The following PGBD4 variants were observed in gnomAD, a reference collection of about 807,000 sequenced individuals.
PGBD4 encodes the protein piggyBac transposable element-derived protein 4.
Under a neutral mutation model 0.3 loss-of-function variants are expected in PGBD4, and 1 was observed. The ratio of observed to expected loss-of-function variants is 3.72; its 90% CI spans 1.32 to 17.64. The LOEUF (loss-of-function observed/expected upper bound fraction) is 17.64. Ranked by LOEUF, PGBD4 falls within the 30% of genes most tolerant of loss-of-function variation. PGBD4 has a pLI of 0.11. For synonymous variants in PGBD4, 253 were observed against 267.7 expected, an observed-to-expected ratio of 0.95 and a Z score of 0.54; for missense variants, 624 against 719.7, an observed-to-expected ratio of 0.87 and a Z score of 1.52.
rs940015108 is a variant in PGBD4, at chr15:34,107,346, G to A, written c.*3057G>A. 21 of 151,982 alleles carry A rather than the reference G, an allele frequency of 1.4e-4. No homozygotes were observed. The highest frequency in any genetic ancestry group is 2.9e-4 in the Non-Finnish European group (20 of 68,018). The allele number at this position is 151,982 out of a possible 1,614,324, so 9.4% of individuals were successfully genotyped here. A position where few individuals can be genotyped will look rare whatever the true frequency, so the allele number is the denominator to read the frequency against. On this transcript the variant is annotated 3_prime_UTR_variant, in exon 1 of 1. Transcript: ENST00000397766. Reference sequence around the variant, plus strand: ...CTTATGGATGGACTGATTCTCTATCGAGCAACATTAAGATTGTGTCCTATT... The same window carrying A: ...CTTATGGATGGACTGATTCTCTATCAAGCAACATTAAGATTGTGTCCTATT...
chr15:34,104,529 T>TGG lies in PGBD4; in HGVS notation c.*241_*242insGG. The TGG allele has an allele frequency of 9.6e-6, 5 of 519,362 alleles. No individual in the cohort carries two copies. Among genetic ancestry groups the TGG allele is most frequent in the South Asian group, 5.0e-5 (2 of 40,280 alleles). The allele number at this position is 519,362 out of a possible 1,614,324, so 32.2% of individuals were successfully genotyped here. On this transcript the variant is annotated 3_prime_UTR_variant, in exon 1 of 1. Coordinates refer to ENST00000397766, the MANE Select transcript of PGBD4 (RefSeq NM_152595.5). ...GAGGCAGGAGAATTGCTTGAACCCA[T>TGG]GAGGCGGAGGTTGCAGTGAGCTGAG...
In PGBD4 at chr15:34,104,263, A is replaced by C; in HGVS notation, c.1732A>C (p.Ile578Leu). 6.2e-7 allele frequency: 1 copy of C among 1,612,878 alleles called. No individual in the cohort carries two copies. Among genetic ancestry groups the C allele is most frequent in the Non-Finnish European group, 8.5e-7 (1 of 1,179,294 alleles). ...VPLCVVPCFE[I>L]YHTKKNY ...GCTTTGTGTTGTTCCGTGCTTTGAA[A>C]TTTACCACACGAAAAAAAATTATTA... The change falls in exon 1 of 1, where the codon ATT becomes CTT. Residue 578 changes from isoleucine to leucine, a missense_variant. By Grantham distance (5) the Ile-to-Leu change is conservative. Transcript: ENST00000397766.
In PGBD4 at chr15:34,103,747, G is replaced by T; in HGVS notation, c.1216G>T (p.Glu406Ter). The T allele has an allele frequency of 6.2e-7, 1 of 1,614,220 alleles. No individual in the cohort carries two copies. The highest frequency in any genetic ancestry group is 8.5e-7 in the Non-Finnish European group (1 of 1,180,046). Residue 406 changes from glutamate to a stop codon, truncating the protein, a stop_gained, in exon 1 of 1, where the codon GAA becomes TAA. Transcript: ENST00000397766. LOFTEE classifies it low-confidence loss of function (END_TRUNC). This position sits in a 1 kb window ranked among gnomAD's most constrained non-coding sequence, Gnocchi z 4.6. ...AACATTCCACAATGATACTGTGATT[G>T]AAGTAAACAATAGAAATGGAAAGAA... ...LSTFHNDTVIEVNNRNGKKTK... is the reference protein window; with the variant it reads ...LSTFHNDTVI
chr15:34,104,310 CT>C lies in PGBD4; in HGVS notation c.*22del. On this transcript the variant is annotated 3_prime_UTR_variant, in exon 1 of 1. Coordinates refer to ENST00000397766, the MANE Select transcript of PGBD4 (RefSeq NM_152595.5). ...ATTAAATACCGATCATCATACACAT[CT>C]GTTCCATTAGGATTAGAGACAAGTT... 1 of 1,591,818 alleles carries C rather than the reference CT, an allele frequency of 6.3e-7. No homozygotes were observed. The highest frequency in any genetic ancestry group is 1.1e-5 in the South Asian group (1 of 87,310).
In PGBD4 at chr15:34,108,282, C is replaced by T. The variant is rs1887791336; in HGVS notation, c.*3993C>T. ...TGGGCCTCTTCTTGGTTTTTTAATC[C>T]ATCTTCTGCCATATGGTGAATTAAA... On this transcript the variant is annotated 3_prime_UTR_variant, in exon 1 of 1. Transcript: ENST00000397766. 1 of 152,194 alleles carries T rather than the reference C, an allele frequency of 6.6e-6. No individual in the cohort carries two copies. The highest frequency in any genetic ancestry group is 2.4e-5 in the African/African-American group (1 of 41,438). 9.4% of individuals were successfully genotyped at this position (152,194 alleles called of 1,614,324 possible). A position where few individuals can be genotyped will look rare whatever the true frequency, so the allele number is the denominator to read the frequency against.
chr15:34,107,109 TTAATA>T lies in PGBD4; in HGVS notation c.*2824_*2828del, dbSNP rs1268384702. The T allele has an allele frequency of 6.6e-6, 1 of 151,452 alleles. No homozygotes were observed. The highest frequency in any genetic ancestry group is 2.4e-5 in the African/African-American group (1 of 41,300). 9.4% of individuals were successfully genotyped at this position (151,452 alleles called of 1,614,324 possible). On this transcript the variant is annotated 3_prime_UTR_variant, in exon 1 of 1. Coordinates refer to ENST00000397766, the MANE Select transcript of PGBD4 (RefSeq NM_152595.5). ...AAATAACATTCTAGAAATAAATTGT[TTAATA>T]TAAAATACACTAATATATAATAATG...
At position 34,107,547 on chromosome 15, in the gene PGBD4, ACT is replaced by A. The variant is rs577019570; in HGVS notation, c.*3262_*3263del. On this transcript the variant is annotated 3_prime_UTR_variant, in exon 1 of 1. Transcript: ENST00000397766. Reference sequence around the variant, plus strand: ...TTCCACAGAAGTTGTTGCAACTTTCACTCTCACCAGCAATGTGTAAGATAACT... The same window carrying A: ...TTCCACAGAAGTTGTTGCAACTTTCACTCACCAGCAATGTGTAAGATAACT... 4 of 151,812 alleles carry A rather than the reference ACT, an allele frequency of 2.6e-5. No homozygotes were observed. The highest frequency in any genetic ancestry group is 6.6e-5 in the Admixed American group (1 of 15,250). The allele number at this position is 151,812 out of a possible 1,614,324, so 9.4% of individuals were successfully genotyped here.
Position 34,103,222 on chromosome 15 carries a change from G to A in PGBD4, c.691G>A (p.Asp231Asn). The A allele has an allele frequency of 6.2e-7, 1 of 1,614,012 alleles. No individual in the cohort carries two copies. Among genetic ancestry groups the A allele is most frequent in the South Asian group, 1.1e-5 (1 of 91,064 alleles). ...ISLQKIKPVF[D>N]FLVNKFSTVY... Reference sequence around the variant, plus strand: ...ATTGCAGAAGATCAAACCTGTGTTCGACTTTCTTGTAAATAAATTTTCCAC... The same window carrying A: ...ATTGCAGAAGATCAAACCTGTGTTCAACTTTCTTGTAAATAAATTTTCCAC... The change falls in exon 1 of 1, where the codon GAC becomes AAC. Residue 231 changes from aspartate (D) to asparagine (N), a missense_variant. By Grantham distance (23) the Asp-to-Asn change is conservative. Transcript: ENST00000397766. This position sits in a 1 kb window ranked among gnomAD's most constrained non-coding sequence, Gnocchi z 4.6.
chr15:34,102,925 G>A lies in PGBD4; in HGVS notation c.394G>A (p.Ala132Thr). 1 of 1,613,962 alleles carries A rather than the reference G, an allele frequency of 6.2e-7. No homozygotes were observed. Among genetic ancestry groups the A allele is most frequent in the Non-Finnish European group, 8.5e-7 (1 of 1,179,998 alleles). The change falls in exon 1 of 1, where the codon GCT (alanine) becomes ACT (threonine). Residue 132 changes from alanine (A) to threonine (T), a missense_variant. Physicochemically the swap from Ala to Thr is moderately conservative, Grantham distance 58. Coordinates refer to ENST00000397766, the MANE Select transcript of PGBD4 (RefSeq NM_152595.5). This position sits in a 1 kb window ranked among gnomAD's most constrained non-coding sequence, Gnocchi z 4.7. Reference protein sequence around the residue: ...RETNAQAALLASKPPGPKGFS... With the variant: ...RETNAQAALLTSKPPGPKGFS... ...AACAAATGCCCAAGCTGCCTTGTTG[G>A]CTTCAAAGCCACCGGGTCCGAAAGG...
rs1250261832 is a variant in PGBD4 at position 34,105,229 on chromosome 15, G to A, written c.*940G>A. On this transcript the variant is annotated 3_prime_UTR_variant, in exon 1 of 1. Transcript: ENST00000397766. ...ATTGTTTTACTGTGAACATAACAAG[G>A]TTGTATTGGGGAGGAGGGCAGGGGT... The A allele has an allele frequency of 6.0e-6, 1 of 167,136 alleles. No individual in the cohort carries two copies. The highest frequency in any genetic ancestry group is 6.5e-5 in the Admixed American group (1 of 15,276). 10.4% of individuals were successfully genotyped at this position (167,136 alleles called of 1,614,324 possible). A position where few individuals can be genotyped will look rare whatever the true frequency, so the allele number is the denominator to read the frequency against.
At position 34,104,322 on chromosome 15, in the gene PGBD4, G is replaced by C. The variant is rs746323883; in HGVS notation, c.*33G>C. ...TCATCATACACATCTGTTCCATTAGGATTAGAGACAAGTTCTGTTTAGAAA... is the reference window on the plus strand; with the variant it reads ...TCATCATACACATCTGTTCCATTAGCATTAGAGACAAGTTCTGTTTAGAAA... On this transcript the variant is annotated 3_prime_UTR_variant, in exon 1 of 1. Coordinates refer to ENST00000397766, the MANE Select transcript of PGBD4 (RefSeq NM_152595.5). The C allele has an allele frequency of 1.5e-5, 23 of 1,574,184 alleles. No individual in the cohort carries two copies. Among genetic ancestry groups the C allele is most frequent in the Non-Finnish European group, 2.0e-5 (23 of 1,159,296 alleles).
In PGBD4 at chr15:34,102,710, A is replaced by T; in HGVS notation, c.179A>T (p.Asp60Val). Residue 60 changes from aspartate (D) to valine (V), a missense_variant, in exon 1 of 1, where the codon GAT becomes GTT. Transcript: ENST00000397766. This position sits in a 1 kb window ranked among gnomAD's most constrained non-coding sequence, Gnocchi z 4.7. ...KIRPLSHLES[D>V]GKSSTSSDSG... ...AGGCCTCTGTCCCATTTAGAATCTG[A>T]TGGAAAGAGCTCTACATCAAGTGAC... 2 of 1,614,152 alleles carry T rather than the reference A, an allele frequency of 1.2e-6. No individual in the cohort carries two copies. The highest frequency in any genetic ancestry group is 1.7e-6 in the Non-Finnish European group (2 of 1,180,030).
rs865791900 is a variant in PGBD4, at chr15:34,104,134, C to T, written c.1603C>T (p.Gln535Ter). 38 of 1,614,102 alleles carry T rather than the reference C, an allele frequency of 2.4e-5. No individual in the cohort carries two copies. The Admixed American group carries it at 5.8e-4, about 25-fold the overall frequency. ...GAGCATACCAGCAACGTCCGGGAAA[C>T]AGAATCCAACTGGTCGCTGCAAAAT... The part of the protein sequence containing the change: ...PKSIPATSGK[Q>*]NPTGRCKICC... The change falls in exon 1 of 1, where the codon CAG (glutamine) becomes TAG (stop). Residue 535 changes from glutamine to a stop codon, truncating the protein, a stop_gained. Coordinates refer to ENST00000397766, the MANE Select transcript of PGBD4 (RefSeq NM_152595.5). LOFTEE classifies it low-confidence loss of function (END_TRUNC).
rs1901204604 is a variant in PGBD4 at position 34,102,967 on chromosome 15, A to G, written c.436A>G (p.Lys146Glu). ...TCCGAAAGGATTTTCGCGAATGGAT[A>G]AATGGAAAGACACTGACAATGACGA... ...PGPKGFSRMDKWKDTDNDELK... is the reference protein window; with the variant it reads ...PGPKGFSRMDEWKDTDNDELK... Residue 146 changes from lysine (K) to glutamate (E), a missense_variant, in exon 1 of 1, where the codon AAA (lysine) becomes GAA (glutamate). By Grantham distance (56) the Lys-to-Glu change is moderately conservative. Transcript: ENST00000397766. The surrounding 1 kb of genome is among the most constrained non-coding windows in gnomAD (Gnocchi z 4.7). The G allele has an allele frequency of 1.2e-6, 2 of 1,614,186 alleles. No individual in the cohort carries two copies. Among genetic ancestry groups the G allele is most frequent in the African/African-American group, 2.7e-5 (2 of 75,060 alleles).
chr15:34,102,436 T>C lies in PGBD4; in HGVS notation c.-96T>C. 1 of 1,431,976 alleles carries C rather than the reference T, an allele frequency of 7.0e-7. No individual in the cohort carries two copies. Among genetic ancestry groups the C allele is most frequent in the Non-Finnish European group, 9.1e-7 (1 of 1,097,204 alleles). 88.7% of individuals were successfully genotyped at this position (1,431,976 alleles called of 1,614,324 possible). A position where few individuals can be genotyped will look rare whatever the true frequency, so the allele number is the denominator to read the frequency against. The stretch of plus-strand genomic sequence containing the variant: ...TTATTTTCGCATGGTTCTGGTATAT[T>C]GACTTTTGAAACAAAAGACATCATT... On this transcript the variant is annotated 5_prime_UTR_variant, in exon 1 of 1. It removes the in-frame stop codon of an upstream open reading frame in the 5' UTR. Transcript: ENST00000397766. This position sits in a 1 kb window ranked among gnomAD's most constrained non-coding sequence, Gnocchi z 4.7.
In PGBD4 at chr15:34,106,889, T is replaced by C. The variant is rs1274222797; in HGVS notation, c.*2600T>C. The C allele has an allele frequency of 1.4e-5, 2 of 146,046 alleles. No homozygotes were observed. The highest frequency in any genetic ancestry group is 2.0e-4 in the East Asian group (1 of 4,932). The allele number at this position is 146,046 out of a possible 1,614,324, so 9.0% of individuals were successfully genotyped here. ...GGGCCAGGAATTTGAAGCTGTAGTG[T>C]GCTATGATAGCAGGCCTGTGAATAG... On this transcript the variant is annotated 3_prime_UTR_variant, in exon 1 of 1. Coordinates refer to ENST00000397766, the MANE Select transcript of PGBD4 (RefSeq NM_152595.5).
rs1425517353 is a variant in PGBD4, at chr15:34,106,991, AC to A, written c.*2703del. ...AAAAAAAAAAAAAAAAGACAAAAAA[AC>A]AAATCCATATATACATATATATGTA... On this transcript the variant is annotated 3_prime_UTR_variant, in exon 1 of 1. Coordinates refer to ENST00000397766, the MANE Select transcript of PGBD4 (RefSeq NM_152595.5). 246 of 149,966 alleles carry A rather than the reference AC, an allele frequency of 1.6e-3. 1 individual carries two copies. Among genetic ancestry groups the A allele is most frequent in the African/African-American group, 5.6e-3 (228 of 40,994 alleles). 9.3% of individuals were successfully genotyped at this position (149,966 alleles called of 1,614,324 possible).
rs1887778344 is a variant in PGBD4 at position 34,107,227 on chromosome 15, C to G, written c.*2938C>G. ...AGTATACTATAAATGCACTTCCGCA[C>G]TTTGCTCTTTTTACTAAATATATCT... On this transcript the variant is annotated 3_prime_UTR_variant, in exon 1 of 1. Coordinates refer to ENST00000397766, the MANE Select transcript of PGBD4 (RefSeq NM_152595.5). 6.6e-6 allele frequency: 1 copy of G among 152,024 alleles called. No homozygotes were observed. Among genetic ancestry groups the G allele is most frequent in the Non-Finnish European group, 1.5e-5 (1 of 67,998 alleles). 9.4% of individuals were successfully genotyped at this position (152,024 alleles called of 1,614,324 possible).
chr15:34,106,540 C>T lies in PGBD4; in HGVS notation c.*2251C>T, dbSNP rs1887765188. The T allele has an allele frequency of 7.2e-6, 1 of 137,932 alleles. No individual in the cohort carries two copies. Among genetic ancestry groups the T allele is most frequent in the African/African-American group, 2.5e-5 (1 of 40,132 alleles). 8.5% of individuals were successfully genotyped at this position (137,932 alleles called of 1,614,324 possible). On this transcript the variant is annotated 3_prime_UTR_variant, in exon 1 of 1. Coordinates refer to ENST00000397766, the MANE Select transcript of PGBD4 (RefSeq NM_152595.5). ...CAAGCTCATAAACTTAACTTGACCGCAGGTGTGTTCCTTGGTGGTCTTTAT... is the reference window on the plus strand; with the variant it reads ...CAAGCTCATAAACTTAACTTGACCGTAGGTGTGTTCCTTGGTGGTCTTTAT...
Sources: allele counts gnomAD v4.1 joint callset, GRCh38; gene constraint gnomAD v4.1.1; non-coding constraint Gnocchi (gnomAD v3.1); transcripts MANE v1.5; gene names NCBI Gene and HGNC (gene_info 2026-07-23, HGNC 2026-07-21).